Variants in SLC13A3 observed in about 807,000 individuals in gnomAD.
SLC13A3 encodes the protein Na(+)/dicarboxylate cotransporter 3.
In SLC13A3, 40 loss-of-function variants were observed where a neutral mutation model predicts 59.0. That is an observed-to-expected ratio of 0.68 (90% CI 0.53 to 0.88). The LOEUF (loss-of-function observed/expected upper bound fraction) is 0.88. Among genes scored for constraint, SLC13A3 ranks in the 40% least tolerant of loss-of-function variants. The probability of loss-of-function intolerance (pLI) is 0.00; values close to 1 mark genes in which losing one functional copy is unlikely to be tolerated. For synonymous variants in SLC13A3, 317 were observed against 330.3 expected (o/e 0.96, Z 0.44); for missense variants, 699 against 783.2 (o/e 0.89, Z 1.28).
At chr20:46,572,044 G>A (rs967772028) in intron 10 of SLC13A3, among the ~76,000 whole-genome samples, 2 of 152,140 alleles carry the variant, frequency 1.3e-5, no homozygotes, top group African/African-American at 2.4e-5. Context: ...TCTATGCAGA[G>A]TCATGACTAT....
At chr20:46,681,855 T>G (rs2063155478) in intron 1 of SLC13A3, 1 of 152,148 alleles carries the variant, frequency 6.6e-6, no homozygotes, top group African/African-American at 2.4e-5. Flanking sequence ...CTTCCTCTTA[T>G]AAAGCCACCA....
chr20:46,618,973 G>A (rs902074818), intron 1 of SLC13A3, among the ~76,000 whole-genome samples: 2 of 152,188 alleles, frequency 1.3e-5, no homozygotes, highest in Non-Finnish European at 2.9e-5. Context: ...CCATTTCCCA[G>A]AAGTCCCCAG....
intron 9 of SLC13A3, among the ~76,000 whole-genome samples, chr20:46,581,368 G>C (rs2062135887): frequency 2.0e-5 from 3 of 152,228 alleles, no homozygotes; most frequent in Non-Finnish European, 4.4e-5. Context: ...TGTGGAAGGA[G>C]ATCTGCCCAA....
At chr20:46,650,176 A>C (rs1453602864) in intron 1 of SLC13A3, among the ~76,000 whole-genome samples, 2 of 152,034 alleles carry the variant, frequency 1.3e-5, no homozygotes, top group African/African-American at 4.8e-5. Flanking sequence ...TCCAGCCCCC[A>C]CTAGTGTTGA....
rs1466471926 is a variant in SLC13A3 at position 46,592,540 on chromosome 20, G to C, written c.795-11C>G. On this transcript the variant is annotated splice_polypyrimidine_tract_variant and intron_variant, in intron 5 of 12. Coordinates refer to ENST00000279027, the MANE Select transcript of SLC13A3 (RefSeq NM_022829.6). ...CACTGCGGAAAGAAACTGGAGAACA[G>C]CGGGAGATGAGAACAGGCCAAGGGC... 1 of 1,613,132 alleles carries C rather than the reference G, an allele frequency of 6.2e-7. No homozygotes were observed. Among genetic ancestry groups the C allele is most frequent in the African/African-American group, 1.3e-5 (1 of 75,030 alleles).
intron 8 of SLC13A3, chr20:46,585,345 A>G: frequency 1.0e-6 from 1 of 1,000,590 alleles, no homozygotes; most frequent in Non-Finnish European, 1.2e-6. Context: ...AAGAGCCACT[A>G]ACTTTTCCTT....
At position 46,650,491 on chromosome 20, in the gene SLC13A3, G is replaced by A. The variant is rs2103245; in HGVS notation, c.111+820C>T. On this transcript the variant is annotated intron_variant, in intron 1 of 12. Coordinates refer to ENST00000279027, the MANE Select transcript of SLC13A3 (RefSeq NM_022829.6). ...TCATGAATCTTACCGTCCTCATCAC[G>A]TAAGGACCTGGTGCAGAAAAAGACC... Among the ~76,000 whole-genome samples, 499 of 152,292 alleles carry A rather than the reference G, an allele frequency of 3.3e-3. 4 individuals carry two copies. The highest frequency in any genetic ancestry group is 0.01 in the African/African-American group (434 of 41,560).
intron 1 of SLC13A3, among the ~76,000 whole-genome samples, chr20:46,645,671 T>C (rs2062887787): frequency 6.6e-6 from 1 of 152,242 alleles, no homozygotes; most frequent in East Asian, 1.9e-4. Flanking sequence ...TTGTCTTTAA[T>C]GCCTCACTTG....
chr20:46,663,678 A>G (rs193058067), intron 1 of SLC13A3, among the ~76,000 whole-genome samples: 1 of 152,260 alleles, frequency 6.6e-6, no homozygotes, highest in African/African-American at 2.4e-5. Flanking sequence ...ACCCTATGAA[A>G]TAGGTTCTAT....
chr20:46,669,046 A>C (rs1387545776), intron 1 of SLC13A3, among the ~76,000 whole-genome samples: 1 of 152,228 alleles, frequency 6.6e-6, no homozygotes, highest in Non-Finnish European at 1.5e-5. Flanking sequence ...TGAGACTCAG[A>C]GGGATTAAGA....
At position 46,563,479 on chromosome 20, in the gene SLC13A3, G is replaced by A; in HGVS notation, c.1567C>T (p.Leu523Phe). The A allele has an allele frequency of 6.2e-7, 1 of 1,614,148 alleles. No individual in the cohort carries two copies. The highest frequency in any genetic ancestry group is 8.5e-7 in the Non-Finnish European group (1 of 1,180,038). Residue 523 changes from leucine (L) to phenylalanine (F), a missense_variant, in exon 12 of 13, where the codon CTC becomes TTC. By Grantham distance (22) the Leu-to-Phe change is conservative. Coordinates refer to ENST00000279027, the MANE Select transcript of SLC13A3 (RefSeq NM_022829.6). The part of the protein sequence containing the change: ...GTVGCSFAFM[L>F]PVSTPPNSIA... ...GAGTTGGGGGGCGTTGAGACCGGGAGCATGAAGGCAAAGGAGCAGCCGACT... is the reference window on the plus strand; with the variant it reads ...GAGTTGGGGGGCGTTGAGACCGGGAACATGAAGGCAAAGGAGCAGCCGACT...
chr20:46,616,262 C>G (rs2062553178), intron 1 of SLC13A3, among the ~76,000 whole-genome samples: 1 of 152,094 alleles, frequency 6.6e-6, no homozygotes, highest in African/African-American at 2.4e-5. Context: ...TATGTTGAAT[C>G]TCAGTATATA....
chr20:46,603,126 T>C (rs967553664), intron 3 of SLC13A3, among the ~76,000 whole-genome samples: 5 of 150,910 alleles, frequency 3.3e-5, no homozygotes, highest in Non-Finnish European at 7.4e-5. Flanking sequence ...TACGGTGAGC[T>C]GAGATAGCAC....
At chr20:46,600,444 A>AAGGAAGGAAAAGG (rs2062369072) in intron 3 of SLC13A3, 1 of 179,108 alleles carries the variant, frequency 5.6e-6, no homozygotes, top group Non-Finnish European at 1.3e-5. Flanking sequence ...GGAAGGAAGG[A>AAGGAAGGAAAAGG]AAAGGAAAGG....
intron 1 of SLC13A3, among the ~76,000 whole-genome samples, chr20:46,661,143 G>C (rs994856091): frequency 6.6e-6 from 1 of 152,092 alleles, no homozygotes; most frequent in Non-Finnish European, 1.5e-5. Context: ...TTTAATGACT[G>C]TCACATTTTA....
intron 11 of SLC13A3, among the ~76,000 whole-genome samples, chr20:46,565,620 G>A (rs1047463208): frequency 1.3e-5 from 2 of 152,002 alleles, no homozygotes; most frequent in Admixed American, 6.5e-5. Flanking sequence ...GGCAGAGCCC[G>A]GCCTGGGGCT....
intron 9 of SLC13A3, among the ~76,000 whole-genome samples, chr20:46,581,425 T>C (rs747567856): frequency 6.6e-6 from 1 of 152,076 alleles, no homozygotes; most frequent in Non-Finnish European, 1.5e-5. Context: ...GATGCAGCAA[T>C]GGGAAACAGA....
intron 1 of SLC13A3, among the ~76,000 whole-genome samples, chr20:46,647,605 A>C (rs2062907759): frequency 6.6e-6 from 1 of 152,156 alleles, no homozygotes; most frequent in Non-Finnish European, 1.5e-5. Context: ...TGCATTCCAG[A>C]GCTCATCCCA....
At chr20:46,599,913 G>T in intron 4 of SLC13A3, 58 bp downstream of exon 4, 1 of 1,318,284 alleles carries the variant, frequency 7.6e-7, no homozygotes, top group Non-Finnish European at 1.0e-6. Context: ...TTGAATTCTT[G>T]TTCATCATCT....
Sources: allele counts gnomAD v4.1 joint callset (sites outside exome capture counted in the v4.1 genomes callset), GRCh38; gene constraint gnomAD v4.1.1; transcripts MANE v1.5; gene names NCBI Gene and HGNC (gene_info 2026-07-23, HGNC 2026-07-21).